SLC44A1: variants seen among roughly 807,000 people sequenced by gnomAD.
The protein encoded by SLC44A1 is solute carrier family 44 member 1.
SLC44A1 carries 26 observed loss-of-function variants against 79.3 expected under a neutral mutation model. The observed-to-expected ratio is 0.33, with a 90% CI of 0.24 to 0.46. SLC44A1 has a LOEUF of 0.46. Ranked by LOEUF, SLC44A1 falls within the 20% of genes least tolerant of loss-of-function variation. The pLI is 1.00. For synonymous variants in SLC44A1, 263 were observed against 286.2 expected (o/e 0.92, Z 0.82); for missense variants, 688 against 798.1 (o/e 0.86, Z 1.66).
Position 105,365,645 on chromosome 9 carries a change from G to A in SLC44A1, c.1410+6G>A. 6.2e-7 allele frequency: 1 copy of A among 1,612,312 alleles called. No homozygotes were observed. The highest frequency in any genetic ancestry group is 8.5e-7 in the Non-Finnish European group (1 of 1,178,694). The stretch of plus-strand genomic sequence containing the variant: ...ACAGTCAGCTCAAAGGAAAGGTAAG[G>A]GGAAAATGCATTTCTGTACTTTCTG... On this transcript the variant is annotated splice_donor_region_variant and intron_variant, in intron 11 of 15. Transcript: ENST00000374720.
Position 105,393,369 on chromosome 9 carries a change from A to G in SLC44A1, c.*4313A>G. The G allele has an allele frequency of 1.0e-6, 1 of 985,304 alleles. No homozygotes were observed. Among genetic ancestry groups the G allele is most frequent in the Non-Finnish European group, 1.2e-6 (1 of 829,804 alleles). 61.0% of individuals were successfully genotyped at this position (985,304 alleles called of 1,614,324 possible). ...GCAAGACCCTTGAATATGCCAAGAG[A>G]AAATCTAAAGCTAGCAAACTTAAAA... is the stretch of plus-strand genomic sequence containing the variant. On this transcript the variant is annotated 3_prime_UTR_variant, in exon 16 of 16. Coordinates refer to ENST00000374720, the MANE Select transcript of SLC44A1 (RefSeq NM_080546.5).
downstream of SLC44A1, among the ~76,000 whole-genome samples, chr9:105,398,995 C>G (rs766710505): frequency 3.3e-5 from 5 of 152,190 alleles, no homozygotes; most frequent in Non-Finnish European, 2.9e-5. Flanking sequence ...TTGTGTCAGG[C>G]TGCATTCAAA....
chr9:105,312,649 C>T (rs1343895222), intron 3 of SLC44A1, among the ~76,000 whole-genome samples: 1 of 152,192 alleles, frequency 6.6e-6, no homozygotes, highest in Non-Finnish European at 1.5e-5. Flanking sequence ...TTCCCACCAA[C>T]AGTGTTTGAG....
At chr9:105,296,645 A>G (rs1156765270) in intron 1 of SLC44A1, among the ~76,000 whole-genome samples, 1 of 152,202 alleles carries the variant, frequency 6.6e-6, no homozygotes, top group African/African-American at 2.4e-5. Context: ...AACGTAATGA[A>G]TATCAAACAT....
intron 12 of SLC44A1, among the ~76,000 whole-genome samples, chr9:105,370,062 G>A (rs1024225121): frequency 6.6e-6 from 1 of 152,228 alleles, no homozygotes; most frequent in Non-Finnish European, 1.5e-5. Context: ...ATGTCTGTCT[G>A]TGGGCAGTTT....
In SLC44A1 at chr9:105,363,567, C is replaced by T. The variant is rs549162692; in HGVS notation, c.1087+560C>T. ...GCAACCTCAGCCTCCCAGGTTTAAGCGATTCTCCTGCCTCAGCCTCCCGAG... is the reference window on the plus strand; with the variant it reads ...GCAACCTCAGCCTCCCAGGTTTAAGTGATTCTCCTGCCTCAGCCTCCCGAG... On this transcript the variant is annotated intron_variant, in intron 9 of 15. Transcript: ENST00000374720. Among the ~76,000 whole-genome samples, 13 of 148,230 alleles carry T rather than the reference C, an allele frequency of 8.8e-5. No individual in the cohort carries two copies. In the East Asian group the frequency reaches 2.4e-3, roughly 28 times the overall value.
chr9:105,401,153 G>A (rs1030791456), downstream of SLC44A1, among the ~76,000 whole-genome samples: 2 of 152,212 alleles, frequency 1.3e-5, no homozygotes, highest in Non-Finnish European at 2.9e-5. Flanking sequence ...AAAGCCAGCT[G>A]TGAAAGCCAT....
chr9:105,285,162 G>C (rs1407859753), intron 1 of SLC44A1, among the ~76,000 whole-genome samples: 2 of 152,064 alleles, frequency 1.3e-5, no homozygotes, highest in Non-Finnish European at 2.9e-5. Context: ...CTCATCAGTT[G>C]ATGGGCATTG....
At chr9:105,286,899 G>A (rs896847088) in intron 1 of SLC44A1, among the ~76,000 whole-genome samples, 1 of 152,172 alleles carries the variant, frequency 6.6e-6, no homozygotes. Context: ...AGAAGTTTGA[G>A]GCTGCAGTGA....
intron 5 of SLC44A1, among the ~76,000 whole-genome samples, chr9:105,351,548 GAAAGAAA>G (rs1827408754): frequency 8.0e-5 from 10 of 124,420 alleles, no homozygotes; most frequent in Middle Eastern, 4.0e-3. Context: ...AAGAAAGAAA[GAAAGAAA>G]GAGAGAAAGA....
chr9:105,273,737 C>T (rs917268874), intron 1 of SLC44A1, among the ~76,000 whole-genome samples: 3 of 151,974 alleles, frequency 2.0e-5, no homozygotes, highest in East Asian at 1.9e-4. Flanking sequence ...TGTACATAGC[C>T]GTATCATACT....
rs571613971 is a variant in SLC44A1, at chr9:105,363,188, A to G, written c.1087+181A>G. 1.3e-4 allele frequency among the ~76,000 whole-genome samples: 19 copies of G among 151,770 alleles called. No homozygotes were observed. The East Asian group carries it at 3.7e-3, about 29-fold the overall frequency. ...TATTCGTCTTTTTTTTTTGAGACAGAGTCTTGCTCTGTCACCCAGGCTGGA... is the reference window on the plus strand; with the variant it reads ...TATTCGTCTTTTTTTTTTGAGACAGGGTCTTGCTCTGTCACCCAGGCTGGA... On this transcript the variant is annotated intron_variant, in intron 9 of 15. Transcript: ENST00000374720.
intron 15 of SLC44A1, among the ~76,000 whole-genome samples, chr9:105,430,834 T>C (rs541968700): frequency 6.6e-6 from 1 of 152,360 alleles, no homozygotes; most frequent in South Asian, 2.1e-4. Context: ...ATTTAACTTT[T>C]TGAGGAATGC....
At chr9:105,423,635 G>T (rs1401878524) in intron 15 of SLC44A1, among the ~76,000 whole-genome samples, 1 of 152,164 alleles carries the variant, frequency 6.6e-6, no homozygotes, top group Non-Finnish European at 1.5e-5. Context: ...TCAGGTGAAT[G>T]AATTATAATA....
Position 105,390,992 on chromosome 9 carries a change from T to C in SLC44A1, c.*1936T>C, listed in dbSNP as rs996194761. 2 of 984,908 alleles carry C rather than the reference T, an allele frequency of 2.0e-6. No homozygotes were observed. The highest frequency in any genetic ancestry group is 1.2e-6 in the Non-Finnish European group (1 of 829,070). 61.0% of individuals were successfully genotyped at this position (984,908 alleles called of 1,614,324 possible). On this transcript the variant is annotated 3_prime_UTR_variant, in exon 16 of 16. Transcript: ENST00000374720. ...TCCAAATAGATGAGAGAGCAAATCA[T>C]GTGAGAAAATTCAGAATACCATCTG...
intron 4 of SLC44A1, among the ~76,000 whole-genome samples, chr9:105,338,390 T>C (rs995118512): frequency 2.0e-5 from 3 of 152,210 alleles, no homozygotes; most frequent in African/African-American, 7.2e-5. Flanking sequence ...CCTTCTTTTG[T>C]CTTTTTAAGT....
chr9:105,389,900 G>T lies in SLC44A1; in HGVS notation c.*844G>T. On this transcript the variant is annotated 3_prime_UTR_variant, in exon 16 of 16. Transcript: ENST00000374720. ...CCTTTAAGTTTCTGTGTATTGATTT[G>T]CAGATTAAGTAATGCTGGGAGGAAT... is the stretch of plus-strand genomic sequence containing the variant. 1 of 1,519,910 alleles carries T rather than the reference G, an allele frequency of 6.6e-7. No individual in the cohort carries two copies. Among genetic ancestry groups the T allele is most frequent in the Non-Finnish European group, 8.8e-7 (1 of 1,134,656 alleles). 94.2% of individuals were successfully genotyped at this position (1,519,910 alleles called of 1,614,324 possible).
chr9:105,282,105 T>C (rs1311686239), intron 1 of SLC44A1, among the ~76,000 whole-genome samples: 1 of 152,242 alleles, frequency 6.6e-6, no homozygotes, highest in Non-Finnish European at 1.5e-5. Context: ...AGTGCAGGTC[T>C]GTCTGAGCTT....
chr9:105,382,684 A>G (rs188327271), intron 13 of SLC44A1, among the ~76,000 whole-genome samples: 10 of 152,318 alleles, frequency 6.6e-5, no homozygotes, highest in Admixed American at 2.0e-4. Flanking sequence ...TGAAAAGCTT[A>G]TAGTGATTTG....
Sources: gnomAD v4.1 joint callset for allele counts (sites outside exome capture counted in the v4.1 genomes callset) on GRCh38, gnomAD v4.1.1 for gene constraint, MANE v1.5 for transcripts, NCBI Gene and HGNC (gene_info 2026-07-23, HGNC 2026-07-21) for gene names.